Variants in ABCA6 observed in about 807,000 individuals in gnomAD.
ABCA6 encodes ATP binding cassette subfamily A member 6, also known as ATP-binding cassette sub-family A member 6.
Under a neutral mutation model 191.2 loss-of-function variants are expected in ABCA6, and 164 were observed. That is an observed-to-expected ratio of 0.86 (90% CI 0.76 to 0.98). The LOEUF (loss-of-function observed/expected upper bound fraction) is 0.98. Ranked by LOEUF, ABCA6 falls within the 50% of genes least tolerant of loss-of-function variation. The pLI is 0.00. For missense variants in ABCA6, 1,958 were observed against 1,894.1 expected, an observed-to-expected ratio of 1.03 and a Z score of -0.63; for synonymous variants, 636 against 647.7, an observed-to-expected ratio of 0.98 and a Z score of 0.27.
intron 5 of ABCA6, 22 bp downstream of exon 5, chr17:69,134,617 A>C (rs1280476014): frequency 6.4e-7 from 1 of 1,557,100 alleles, no homozygotes; most frequent in Admixed American, 1.8e-5. Context: ...TAATTAGTAG[A>C]ACTTTTCAAT....
chr17:69,114,807 C>G lies in ABCA6; in HGVS notation c.1737G>C (p.Leu579=), dbSNP rs774329694. The part of the protein sequence containing the change: ...DILTVKENLS[L]FAKIKGIHLK... ...GATGAATCCCTTTTATTTTAGCAAACAGGCTGAGGTTTTCCTTCACGGTGA... is the reference window on the plus strand; with the variant it reads ...GATGAATCCCTTTTATTTTAGCAAAGAGGCTGAGGTTTTCCTTCACGGTGA... The change falls in exon 13 of 39, where the codon CTG becomes CTC. Residue 579 remains leucine, a synonymous_variant. Coordinates refer to ENST00000284425, the MANE Select transcript of ABCA6 (RefSeq NM_080284.3). 68 of 1,611,990 alleles carry G rather than the reference C, an allele frequency of 4.2e-5. No individual in the cohort carries two copies. The South Asian group carries it at 6.4e-4, about 15-fold the overall frequency.
At chr17:69,122,547 T>C (rs1568027689) in intron 10 of ABCA6, among the ~76,000 whole-genome samples, 1 of 152,078 alleles carries the variant, frequency 6.6e-6, no homozygotes, top group Non-Finnish European at 1.5e-5. Flanking sequence ...TAAAATTTAC[T>C]CATTTTTCCA....
intron 17 of ABCA6, chr17:69,109,188 C>T (rs1360018101): frequency 1.6e-5 from 2 of 125,294 alleles, no homozygotes; most frequent in South Asian, 2.3e-4. Context: ...GGGAGTTATA[C>T]CTTTAACAAA....
intron 18 of ABCA6, among the ~76,000 whole-genome samples, chr17:69,106,751 TA>T (rs2073315675): frequency 6.6e-6 from 1 of 152,110 alleles, no homozygotes; most frequent in Non-Finnish European, 1.5e-5. Flanking sequence ...CCAATGGTGA[TA>T]AAAAATTAAA....
intron 10 of ABCA6, among the ~76,000 whole-genome samples, chr17:69,121,287 A>G (rs8067965): frequency 0.18 from 28,035 of 152,070 alleles, 4,916 homozygotes; most frequent in African/African-American, 0.46. Flanking sequence ...TTGGATGGTC[A>G]AAAGGCAGTT....
At chr17:69,086,850 C>A in intron 29 of ABCA6, 115 bp from the exon 30 acceptor site, 1 of 641,082 alleles carries the variant, frequency 1.6e-6, no homozygotes, top group South Asian at 2.0e-5. Context: ...GAGAGTAATT[C>A]ATGCTGCTAA....
chr17:69,139,940 C>A (rs2074003172), intron 2 of ABCA6, among the ~76,000 whole-genome samples: 1 of 115,774 alleles, frequency 8.6e-6, no homozygotes, highest in South Asian at 3.0e-4. Context: ...CACTCTGGGG[C>A]CTGTTGTGGG....
intron 6 of ABCA6, among the ~76,000 whole-genome samples, chr17:69,130,393 C>T (rs542024750): frequency 3.4e-3 from 512 of 151,666 alleles, no homozygotes; most frequent in Middle Eastern, 0.01. Context: ...TTGGTACCTA[C>T]GTGTTAGGCA....
rs1054633960 is a variant in ABCA6, at chr17:69,133,991, C to G, written c.565-124G>C. On this transcript the variant is annotated intron_variant, in intron 5 of 38. Transcript: ENST00000284425. ...TTTTTCTTACTGTACTGTAGTTATG[C>G]AAGATGTTCCCAGTAAAGGCAACTG... 5 of 621,090 alleles carry G rather than the reference C, an allele frequency of 8.1e-6. No individual in the cohort carries two copies. In the African/African-American group the frequency reaches 9.3e-5, roughly 12 times the overall value. 38.5% of individuals were successfully genotyped at this position (621,090 alleles called of 1,614,324 possible). A position where few individuals can be genotyped will look rare whatever the true frequency, so the allele number is the denominator to read the frequency against.
chr17:69,139,616 C>T (rs1456641401), intron 2 of ABCA6, among the ~76,000 whole-genome samples: 5 of 152,146 alleles, frequency 3.3e-5, no homozygotes, highest in South Asian at 2.1e-4. Flanking sequence ...CAAAGGACTA[C>T]AAATCATGCT....
At chr17:69,131,668 T>C (rs924149920) in intron 6 of ABCA6, among the ~76,000 whole-genome samples, 6 of 152,230 alleles carry the variant, frequency 3.9e-5, no homozygotes, top group African/African-American at 1.4e-4. Flanking sequence ...ATAAAGTTTA[T>C]TTCCACTAGA....
At chr17:69,134,934 G>A (rs1427202898) in intron 4 of ABCA6, among the ~76,000 whole-genome samples, 192 bp from the exon 5 acceptor site, 1 of 127,310 alleles carries the variant, frequency 7.9e-6, no homozygotes, top group Non-Finnish European at 1.6e-5. Context: ...CCAGGCTGGA[G>A]TGCAGTGGTG....
intron 10 of ABCA6, among the ~76,000 whole-genome samples, chr17:69,121,153 G>A (rs899775623): frequency 1.3e-5 from 2 of 152,066 alleles, no homozygotes; most frequent in African/African-American, 2.4e-5. Context: ...GAATTCACAC[G>A]TTGGAATTGA....
intron 13 of ABCA6, among the ~76,000 whole-genome samples, chr17:69,114,347 A>G (rs901810947): frequency 1.4e-5 from 2 of 143,126 alleles, no homozygotes; most frequent in Non-Finnish European, 3.0e-5. Context: ...TCTCACTCAT[A>G]GGTGGGAATT....
chr17:69,113,485 C>A, intron 14 of ABCA6, 125 bp from the exon 15 acceptor site: 1 of 1,528,488 alleles, frequency 6.5e-7, no homozygotes, highest in Admixed American at 2.1e-5. Context: ...CAATATACTT[C>A]TATTTATAGT....
intron 20 of ABCA6, chr17:69,103,911 C>CTTTTTTTTTTTTTTTTTTTTT (rs55850112): frequency 5.4e-5 from 5 of 93,350 alleles, no homozygotes; most frequent in African/African-American, 1.3e-4. Context: ...AAAAGAAGGA[C>CTTTTTTTTTTTTTTTTTTTTT]TTTTTTTTTT....
At chr17:69,105,700 A>G in intron 19 of ABCA6, 72 bp from the exon 20 acceptor site, 1 of 1,176,640 alleles carries the variant, frequency 8.5e-7, no homozygotes, top group Non-Finnish European at 1.2e-6. Flanking sequence ...TTCCACAAGT[A>G]TTTGTTGAGT....
intron 18 of ABCA6, 44 bp downstream of exon 18, chr17:69,107,652 T>A (rs1162016373): frequency 2.5e-5 from 31 of 1,250,242 alleles, no homozygotes; most frequent in Admixed American, 4.0e-5. Flanking sequence ...TGACACATGA[T>A]CATTTGGGAA....
Position 69,137,426 on chromosome 17 carries a change from A to G in ABCA6, c.171T>C (p.Pro57=). 6.2e-7 allele frequency: 1 copy of G among 1,613,782 alleles called. No homozygotes were observed. The highest frequency in any genetic ancestry group is 8.5e-7 in the Non-Finnish European group (1 of 1,179,800). The change falls in exon 3 of 39, where the codon CCT becomes CCC. Residue 57 remains proline (P), a synonymous_variant. Transcript: ENST00000284425. ...TTCCCAGATTCTGAGGAGCCATTCCAGGAAACTGGACATTTCTCATGGAAC... is the reference window on the plus strand; with the variant it reads ...TTCCCAGATTCTGAGGAGCCATTCCGGGAAACTGGACATTTCTCATGGAAC... ...FSSSMRNVQF[P]GMAPQNLGRV...
Sources: allele counts gnomAD v4.1 joint callset (sites outside exome capture counted in the v4.1 genomes callset), GRCh38; gene constraint gnomAD v4.1.1; transcripts MANE v1.5; gene names NCBI Gene and HGNC (gene_info 2026-07-23, HGNC 2026-07-21).